RBFOX1: variants seen among roughly 807,000 people sequenced by gnomAD.
RBFOX1 encodes RNA binding fox-1 homolog 1.
Under a neutral mutation model 57.7 loss-of-function variants are expected in RBFOX1, and 8 were observed. The observed-to-expected ratio is 0.14, with a 90% CI of 0.08 to 0.25. RBFOX1 has a LOEUF of 0.25. RBFOX1 is among the 10% of genes least tolerant of loss of function. The pLI, the probability that RBFOX1 is intolerant of heterozygous loss-of-function variation, is 1.00. For synonymous variants in RBFOX1, 326 were observed against 222.4 expected, an observed-to-expected ratio of 1.47 and a Z score of -4.15; for missense variants, 611 against 548.5, an observed-to-expected ratio of 1.11 and a Z score of -1.14.
intron 4 of RBFOX1, among the ~76,000 whole-genome samples, chr16:7,400,258 G>C (rs1443382944): frequency 6.6e-6 from 1 of 152,164 alleles, no homozygotes; most frequent in Non-Finnish European, 1.5e-5. Context: ...TCTCTACAGA[G>C]ATTCCGATTC....
intron 4 of RBFOX1, among the ~76,000 whole-genome samples, chr16:7,482,143 T>A (rs572658758): frequency 6.6e-6 from 1 of 152,280 alleles, no homozygotes; most frequent in Admixed American, 6.5e-5. Context: ...ATAACAATAA[T>A]ATTTTGTAGC....
At chr16:6,707,990 G>C (rs2063067478) in intron 3 of RBFOX1, among the ~76,000 whole-genome samples, 1 of 152,124 alleles carries the variant, frequency 6.6e-6, no homozygotes, top group African/African-American at 2.4e-5. Context: ...CTAGACATCA[G>C]GTAGTGCTGT....
At chr16:6,773,904 T>A in intron 3 of RBFOX1, 1 of 962,844 alleles carries the variant, frequency 1.0e-6, no homozygotes, top group Non-Finnish European at 1.2e-6. Context: ...GGGCATGGAG[T>A]GCATTTGCGT....
At chr16:5,655,806 A>G (rs1324746788) in intron 3 of RBFOX1, among the ~76,000 whole-genome samples, 1 of 152,214 alleles carries the variant, frequency 6.6e-6, no homozygotes, top group East Asian at 1.9e-4. Flanking sequence ...ATGAATTAGG[A>G]GGAGGTGCTG....
intron 4 of RBFOX1, among the ~76,000 whole-genome samples, chr16:5,909,370 G>A (rs2058556203): frequency 6.6e-6 from 1 of 152,042 alleles, no homozygotes; most frequent in African/African-American, 2.4e-5. Context: ...GGGATTACAG[G>A]CGTGAGCCAC....
chr16:6,952,599 C>G (rs993967298), intron 3 of RBFOX1, among the ~76,000 whole-genome samples: 5 of 151,908 alleles, frequency 3.3e-5, no homozygotes, highest in African/African-American at 1.2e-4. Flanking sequence ...GATCATGCCA[C>G]TGGACTACAG....
At chr16:7,479,141 A>G (rs897217946) in intron 4 of RBFOX1, among the ~76,000 whole-genome samples, 1 of 146,604 alleles carries the variant, frequency 6.8e-6, no homozygotes, top group East Asian at 2.1e-4. Flanking sequence ...TTTTAATTTT[A>G]GGGACAGGGT....
intron 2 of RBFOX1, among the ~76,000 whole-genome samples, chr16:6,617,633 C>A (rs978323756): frequency 6.6e-6 from 1 of 152,010 alleles, no homozygotes; most frequent in African/African-American, 2.4e-5. Flanking sequence ...TGCATGTGTT[C>A]CAGGTGTCAG....
chr16:6,871,559 C>G (rs183129891), intron 3 of RBFOX1, among the ~76,000 whole-genome samples: 8 of 152,220 alleles, frequency 5.3e-5, no homozygotes, highest in Admixed American at 3.9e-4. Flanking sequence ...TTTATCCCCT[C>G]TTAATTACTG....
At chr16:6,149,344 T>C (rs1025091424) in intron 1 of RBFOX1, among the ~76,000 whole-genome samples, 3 of 152,252 alleles carry the variant, frequency 2.0e-5, no homozygotes, top group Non-Finnish European at 4.4e-5. Context: ...TAACTTAATC[T>C]TGCCTCCTAT....
intron 3 of RBFOX1, among the ~76,000 whole-genome samples, chr16:5,762,045 T>C (rs1168623295): frequency 6.6e-6 from 1 of 152,118 alleles, no homozygotes; most frequent in East Asian, 1.9e-4. Context: ...TATCATCATC[T>C]AGAAAAGGGG....
intron 1 of RBFOX1, among the ~76,000 whole-genome samples, chr16:5,456,881 C>T (rs746539145): frequency 1.3e-5 from 2 of 152,228 alleles, no homozygotes; most frequent in Admixed American, 6.5e-5. Flanking sequence ...CTTCTCTTCT[C>T]CAGCCATTTT....
At chr16:6,788,339 C>G (rs1303817178) in intron 3 of RBFOX1, among the ~76,000 whole-genome samples, 2 of 151,982 alleles carry the variant, frequency 1.3e-5, no homozygotes, top group African/African-American at 4.8e-5. Context: ...TATTCAGGTT[C>G]AACACAAGCT....
chr16:7,065,315 C>T (rs938087706), intron 4 of RBFOX1, among the ~76,000 whole-genome samples: 1 of 152,076 alleles, frequency 6.6e-6, no homozygotes, highest in Admixed American at 6.6e-5. Flanking sequence ...GCCGTGTAAT[C>T]TGCTTTCTTC....
intron 3 of RBFOX1, among the ~76,000 whole-genome samples, chr16:7,001,392 G>GTATATGTATA (rs1331089096): frequency 7.1e-5 from 6 of 84,074 alleles, no homozygotes; most frequent in Non-Finnish European, 1.0e-4. Context: ...GTATGTGTAT[G>GTATATGTATA]TGTATTTGTA....
chr16:6,695,279 C>T (rs1050423902), intron 3 of RBFOX1, among the ~76,000 whole-genome samples: 5 of 151,514 alleles, frequency 3.3e-5, no homozygotes, highest in Non-Finnish European at 7.4e-5. Flanking sequence ...ATTAGCTGGG[C>T]GTGGTGGTGA....
chr16:6,501,673 C>T (rs543822335), intron 2 of RBFOX1, among the ~76,000 whole-genome samples: 3 of 152,112 alleles, frequency 2.0e-5, no homozygotes, highest in Admixed American at 6.6e-5. Context: ...GGCTCCTTCT[C>T]CTGACGTTTC....
At chr16:7,243,566 G>C (rs2094160182) in intron 4 of RBFOX1, among the ~76,000 whole-genome samples, 1 of 152,086 alleles carries the variant, frequency 6.6e-6, no homozygotes, top group African/African-American at 2.4e-5. Context: ...AATACATTTT[G>C]AGAGAGGCTG....
intron 3 of RBFOX1, among the ~76,000 whole-genome samples, chr16:5,751,810 T>C (rs557086298): frequency 2.0e-5 from 3 of 152,256 alleles, no homozygotes; most frequent in African/African-American, 7.2e-5. Context: ...TAATGGTTTT[T>C]TATTCCTTAT....
Sources: gnomAD v4.1 joint callset for allele counts (sites outside exome capture counted in the v4.1 genomes callset) on GRCh38, gnomAD v4.1.1 for gene constraint, MANE v1.5 for transcripts, NCBI Gene and HGNC (gene_info 2026-07-23, HGNC 2026-07-21) for gene names.